Variants in SZT2 observed in about 807,000 individuals in gnomAD.
The protein encoded by SZT2 is SZT2 subunit of KICSTOR complex.
A neutral mutation model predicts 404.2 loss-of-function variants in SZT2; 216 were observed. That is an observed-to-expected ratio of 0.53 (90% CI 0.48 to 0.60). The LOEUF (loss-of-function observed/expected upper bound fraction) is 0.60, where lower values mean the gene tolerates loss of function less well. SZT2 is among the 20% of genes least tolerant of loss of function. The pLI, the probability that SZT2 is intolerant of heterozygous loss-of-function variation, is 0.00. For synonymous variants in SZT2, 1,693 were observed against 1,749.9 expected, an observed-to-expected ratio of 0.97 and a Z score of 0.81; for missense variants, 3,857 against 4,459.2, an observed-to-expected ratio of 0.86 and a Z score of 3.85.
chr1:43,402,971 G>T (rs1435512472), intron 1 of SZT2, among the ~76,000 whole-genome samples: 1 of 152,140 alleles, frequency 6.6e-6, no homozygotes, highest in Non-Finnish European at 1.5e-5. Flanking sequence ...CTATATGGAG[G>T]TCTGTATCGG....
At chr1:43,399,417 T>C (rs760045664) in intron 1 of SZT2, among the ~76,000 whole-genome samples, 3 of 152,032 alleles carry the variant, frequency 2.0e-5, no homozygotes, top group African/African-American at 4.8e-5. Context: ...CCCTAGTTGT[T>C]AGTCTGCGGT....
rs1570706451 is a variant in SZT2 at position 43,439,830 on chromosome 1, G to A, written c.7043-51G>A. On this transcript the variant is annotated intron_variant, in intron 50 of 71. Transcript: ENST00000634258. This position sits in a 1 kb window ranked among gnomAD's most constrained non-coding sequence, Gnocchi z 4.2. ...TATTGCTGTGGGAGGTAAGGGTGGT[G>A]AGTAGAGTGGGATCTAGGGACACCC... 6.4e-7 allele frequency: 1 copy of A among 1,562,600 alleles called. No individual in the cohort carries two copies.
chr1:43,439,466 T>A lies in SZT2; in HGVS notation c.6877+24T>A. 1 of 1,601,450 alleles carries A rather than the reference T, an allele frequency of 6.2e-7. No homozygotes were observed. Among genetic ancestry groups the A allele is most frequent in the South Asian group, 1.1e-5 (1 of 89,560 alleles). The stretch of plus-strand genomic sequence containing the variant: ...AGGTACGGTGCAGGGCACGGGCCTG[T>A]GGCACCACCAGGTGAGGGAAAGCCT... On this transcript the variant is annotated intron_variant, in intron 49 of 71. Coordinates refer to ENST00000634258, the MANE Select transcript of SZT2 (RefSeq NM_001365999.1). This position sits in a 1 kb window ranked among gnomAD's most constrained non-coding sequence, Gnocchi z 4.2.
intron 4 of SZT2, among the ~76,000 whole-genome samples, chr1:43,408,064 C>A (rs1650549845): frequency 6.6e-6 from 1 of 151,934 alleles, no homozygotes; most frequent in Admixed American, 6.6e-5. Context: ...GATCTCCTGA[C>A]CTTGTGATCT....
Position 43,422,245 on chromosome 1 carries a change from G to T in SZT2, c.1769+20G>T, listed in dbSNP as rs1456377803. The T allele has an allele frequency of 1.3e-6, 2 of 1,561,802 alleles. No homozygotes were observed. The highest frequency in any genetic ancestry group is 2.3e-5 in the East Asian group (1 of 44,096). ...TGACACGTGGGTGCCCTTAGGGCTG[G>T]GCCATAGTTGGGGTGGAGTATCGGG... On this transcript the variant is annotated intron_variant, in intron 12 of 71. Coordinates refer to ENST00000634258, the MANE Select transcript of SZT2 (RefSeq NM_001365999.1).
At chr1:43,443,136 G>T in intron 59 of SZT2, 50 bp downstream of exon 59, 1 of 1,613,582 alleles carries the variant, frequency 6.2e-7, no homozygotes, top group South Asian at 1.1e-5. Flanking sequence ...TGGAGTCTGG[G>T]AGGAAGGGAG....
chr1:43,429,550 G>T, intron 28 of SZT2, 153 bp from the exon 29 acceptor site: 2 of 817,914 alleles, frequency 2.4e-6, no homozygotes, highest in Non-Finnish European at 3.9e-6. Flanking sequence ...TGTGTAGGTT[G>T]GTTCTCTTTG....
At position 43,450,243 on chromosome 1, in the gene SZT2, G is replaced by A. The variant is rs1051166500; in HGVS notation, c.10155+72G>A. Reference sequence around the variant, plus strand: ...CCCCAAATGCTCCACCTCGGAGCCTGCTGAGGTTGGGGTGCCCACCCTTTC... The same window carrying A: ...CCCCAAATGCTCCACCTCGGAGCCTACTGAGGTTGGGGTGCCCACCCTTTC... On this transcript the variant is annotated intron_variant, in intron 71 of 71. Transcript: ENST00000634258. The surrounding 1 kb of genome is among the most constrained non-coding windows in gnomAD (Gnocchi z 4.3). The A allele has an allele frequency of 1.3e-4, 206 of 1,613,136 alleles. No individual in the cohort carries two copies. Among genetic ancestry groups the A allele is most frequent in the Non-Finnish European group, 1.7e-4 (198 of 1,179,222 alleles).
In SZT2 at chr1:43,427,140, C is replaced by T; in HGVS notation, c.3394C>T (p.Gln1132Ter). The change falls in exon 24 of 72, where the codon CAG becomes TAG. Residue 1132 changes from glutamine to a stop codon, truncating the protein, a stop_gained. Transcript: ENST00000634258. LOFTEE classifies it high-confidence loss of function. ...CTGCTATGCAAGGCTTGTGAACCCC[C>T]AGCATGTGTTTCTGACTTTTCTCCC... ...WRCYARLVNPQHVFLTFLPAT... is the reference protein window; with the variant it reads ...WRCYARLVNP The T allele has an allele frequency of 6.2e-7, 1 of 1,614,250 alleles. No individual in the cohort carries two copies. Among genetic ancestry groups the T allele is most frequent in the Non-Finnish European group, 8.5e-7 (1 of 1,180,048 alleles).
intron 1 of SZT2, chr1:43,394,072 G>A (rs1648712005): frequency 1.0e-6 from 1 of 985,204 alleles, no homozygotes; most frequent in African/African-American, 1.7e-5. Context: ...CAGACTCAAG[G>A]AGGATTCATA....
chr1:43,407,224 C>T lies in SZT2; in HGVS notation c.498+2674C>T, dbSNP rs139756041. Among the ~76,000 whole-genome samples, 203 of 152,308 alleles carry T rather than the reference C, an allele frequency of 1.3e-3. No individual in the cohort carries two copies. The East Asian group carries it at 0.025, about 19-fold the overall frequency. On this transcript the variant is annotated intron_variant, in intron 4 of 71. Coordinates refer to ENST00000634258, the MANE Select transcript of SZT2 (RefSeq NM_001365999.1). ...GTGGCTCCCTCAAGATGTATCCTGG[C>T]TGGGCGCAGTGGCTCATGCCTGTAA...
At chr1:43,421,148 G>C in intron 10 of SZT2, 26 bp from the exon 11 acceptor site, 1 of 1,597,850 alleles carries the variant, frequency 6.3e-7, no homozygotes, top group East Asian at 2.2e-5. Context: ...GTCAGATATG[G>C]CTCAGGCCTG....
At position 43,428,497 on chromosome 1, in the gene SZT2, T is replaced by C. The variant is rs1405473336; in HGVS notation, c.4166+11T>C. On this transcript the variant is annotated intron_variant, in intron 28 of 71. Coordinates refer to ENST00000634258, the MANE Select transcript of SZT2 (RefSeq NM_001365999.1). ...AGCTTCTGAATCCAGGTTAGGATTA[T>C]ACTTGAATGATGGATAAGGGGGTAC... 3.7e-6 allele frequency: 6 copies of C among 1,611,750 alleles called. No homozygotes were observed. The highest frequency in any genetic ancestry group is 5.1e-6 in the Non-Finnish European group (6 of 1,179,614).
In SZT2 at chr1:43,426,733, T is replaced by C; in HGVS notation, c.3233T>C (p.Leu1078Pro). Residue 1078 changes from leucine to proline, a missense_variant, in exon 23 of 72, where the codon CTG becomes CCG. Leu to Pro is a moderately conservative substitution (Grantham distance 98). This residue lies in a region of SZT2 where 1,725 missense variants were observed against 1,881.0 expected (regional missense o/e 0.92). Transcript: ENST00000634258. The surrounding 1 kb of genome is among the most constrained non-coding windows in gnomAD (Gnocchi z 4.9). ...CHVPGAEGPL[L>P]GVHGIPKEQA... Reference sequence around the variant, plus strand: ...ATTGTAGGTGCCGAGGGGCCACTGCTGGGGGTTCATGGGATCCCGAAGGAG... The same window carrying C: ...ATTGTAGGTGCCGAGGGGCCACTGCCGGGGGTTCATGGGATCCCGAAGGAG... 1 of 1,612,728 alleles carries C rather than the reference T, an allele frequency of 6.2e-7. No homozygotes were observed. The highest frequency in any genetic ancestry group is 8.5e-7 in the Non-Finnish European group (1 of 1,179,510).
At position 43,427,325 on chromosome 1, in the gene SZT2, G is replaced by C; in HGVS notation, c.3478G>C (p.Glu1160Gln). The change falls in exon 25 of 72, where the codon GAG (glutamate) becomes CAG (glutamine). Residue 1160 changes from glutamate (E) to glutamine (Q), a missense_variant. Glu to Gln is a conservative substitution (Grantham distance 29). Transcript: ENST00000634258. Reference sequence around the variant, plus strand: ...CTGTGGCCTGGAGGGACCCCCTCAAGAGGAGACAAAGCCTAAGTTTGGGGA... The same window carrying C: ...CTGTGGCCTGGAGGGACCCCCTCAACAGGAGACAAAGCCTAAGTTTGGGGA... Reference protein sequence around the residue: ...AACGLEGPPQEETKPKFGDWS... With the variant: ...AACGLEGPPQQETKPKFGDWS... 1 of 1,613,824 alleles carries C rather than the reference G, an allele frequency of 6.2e-7. No individual in the cohort carries two copies. The highest frequency in any genetic ancestry group is 1.1e-5 in the South Asian group (1 of 90,974).
intron 7 of SZT2, among the ~76,000 whole-genome samples, chr1:43,419,195 A>G (rs1274664460): frequency 6.6e-6 from 1 of 152,246 alleles, no homozygotes; most frequent in Admixed American, 6.5e-5. Context: ...CTGTGTTCCA[A>G]TAAAACTCGA....
In SZT2 at chr1:43,439,602, C is replaced by T; in HGVS notation, c.6878-3C>T. ...CTGAGCCTTCCTATGGATTTCTACC[C>T]AGGGGTTGCCTGCATCACTCTAGCC... On this transcript the variant is annotated splice_region_variant and splice_polypyrimidine_tract_variant and intron_variant, in intron 49 of 71. Transcript: ENST00000634258. This position sits in a 1 kb window ranked among gnomAD's most constrained non-coding sequence, Gnocchi z 4.2. The T allele has an allele frequency of 6.2e-7, 1 of 1,613,876 alleles. No homozygotes were observed. The highest frequency in any genetic ancestry group is 2.2e-5 in the East Asian group (1 of 44,872).
rs1275670261 is a variant in SZT2, at chr1:43,421,210, G to A, written c.1533G>A (p.Gln511=). 1 of 1,598,476 alleles carries A rather than the reference G, an allele frequency of 6.3e-7. No homozygotes were observed. The highest frequency in any genetic ancestry group is 1.7e-5 in the Admixed American group (1 of 60,020). The change falls in exon 11 of 72, where the codon CAG becomes CAA. Residue 511 remains glutamine, a synonymous_variant. Coordinates refer to ENST00000634258, the MANE Select transcript of SZT2 (RefSeq NM_001365999.1). The part of the protein sequence containing the change: ...NQTDQMLAHL[Q]SFSSVPEHFT... ...CAGACCAGATGCTTGCCCACCTTCA[G>A]TCCTTCTCCTCAGTGCCTGAGCATT... is the stretch of plus-strand genomic sequence containing the variant.
chr1:43,453,801 G>A lies in SZT2; in HGVS notation c.*3321G>A, dbSNP rs749723502. 1.6e-5 allele frequency: 20 copies of A among 1,264,008 alleles called. No individual in the cohort carries two copies. The South Asian group carries it at 5.3e-4, about 33-fold the overall frequency. 78.3% of individuals were successfully genotyped at this position (1,264,008 alleles called of 1,614,324 possible). ...GAAGCGCAGCGGCGCCATGCCTGGG[G>A]AGGCCGGGCCGGGCGGAGTCCGCGG... is the stretch of plus-strand genomic sequence containing the variant. On this transcript the variant is annotated 3_prime_UTR_variant, in exon 72 of 72. Transcript: ENST00000634258.
Sources: allele counts gnomAD v4.1 joint callset (sites outside exome capture counted in the v4.1 genomes callset), GRCh38; gene constraint gnomAD v4.1.1; regional missense constraint gnomAD v4.1.1; non-coding constraint Gnocchi (gnomAD v3.1); transcripts MANE v1.5; gene names NCBI Gene and HGNC (gene_info 2026-07-23, HGNC 2026-07-21).